ANP32A: variants seen among roughly 807,000 people sequenced by gnomAD.
The protein encoded by ANP32A is acidic nuclear phosphoprotein 32 family member A.
ANP32A carries 1 observed loss-of-function variant against 33.9 expected under a neutral mutation model. That is an observed-to-expected ratio of 0.03 (90% confidence interval 0.01 to 0.14). The LOEUF (loss-of-function observed/expected upper bound fraction) is 0.14, where lower values mean the gene tolerates loss of function less well. ANP32A is among the 10% of genes least tolerant of loss of function. ANP32A has a pLI of 1.00. For missense variants in ANP32A, 155 were observed against 306.0 expected, an observed-to-expected ratio of 0.51 and a Z score of 3.68; for synonymous variants, 115 against 120.5, an observed-to-expected ratio of 0.95 and a Z score of 0.30.
At chr15:68,804,700 A>T (rs1192226776) in intron 1 of ANP32A, among the ~76,000 whole-genome samples, 2 of 152,106 alleles carry the variant, frequency 1.3e-5, no homozygotes, top group African/African-American at 4.8e-5. Flanking sequence ...ATTTTTGTAG[A>T]GATGGGGTTT....
chr15:68,813,978 T>G (rs1449280142), intron 1 of ANP32A, among the ~76,000 whole-genome samples: 1 of 150,296 alleles, frequency 6.7e-6, no homozygotes, highest in East Asian at 2.0e-4. Context: ...CACGGCATTC[T>G]CCTGCCTCAG....
intron 1 of ANP32A, 35 bp from the exon 2 acceptor site, chr15:68,787,954 G>C (rs1398212154): frequency 6.2e-7 from 1 of 1,613,368 alleles, no homozygotes; most frequent in Non-Finnish European, 8.5e-7. Context: ...GCGGGGCTGA[G>C]GAATGGGGCT....
chr15:68,793,054 C>T (rs941952116), intron 1 of ANP32A, among the ~76,000 whole-genome samples: 3 of 152,144 alleles, frequency 2.0e-5, no homozygotes, highest in Admixed American at 6.5e-5. Flanking sequence ...AAGCCTTCTC[C>T]AACCCAGCTC....
chr15:68,787,034 T>C (rs1303781352), intron 3 of ANP32A: 1 of 230,450 alleles, frequency 4.3e-6, no homozygotes, highest in Non-Finnish European at 8.7e-6. Context: ...CAGGGCCAGT[T>C]TAATTCTTGG....
chr15:68,805,089 GT>G (rs1319276132), intron 1 of ANP32A, among the ~76,000 whole-genome samples: 2 of 152,174 alleles, frequency 1.3e-5, no homozygotes, highest in African/African-American at 4.8e-5. Context: ...TGGGGGCCCT[GT>G]GAGTCCTGCC....
chr15:68,782,224 A>G (rs1210393267), intron 5 of ANP32A, among the ~76,000 whole-genome samples: 2 of 152,240 alleles, frequency 1.3e-5, no homozygotes, highest in East Asian at 3.8e-4. Flanking sequence ...AGGAACCTGG[A>G]GGAGGGTGTG....
intron 1 of ANP32A, among the ~76,000 whole-genome samples, chr15:68,813,479 T>C (rs1894338650): frequency 6.6e-6 from 1 of 152,204 alleles, no homozygotes; most frequent in African/African-American, 2.4e-5. Context: ...ACATCATTGT[T>C]GGGTATTTAT....
intron 5 of ANP32A, among the ~76,000 whole-genome samples, chr15:68,782,462 T>C (rs541250667): frequency 1.3e-5 from 2 of 152,284 alleles, no homozygotes; most frequent in South Asian, 4.1e-4. Context: ...GTTAAAAAAC[T>C]GGGAACCAGC....
intron 1 of ANP32A, among the ~76,000 whole-genome samples, chr15:68,811,736 T>C (rs1044985136): frequency 6.6e-6 from 1 of 152,122 alleles, no homozygotes; most frequent in Non-Finnish European, 1.5e-5. Context: ...CTGCGGATAA[T>C]GTAAGTTGGG....
At chr15:68,803,798 C>CTTTTTTTTTTTTTTTTTTT (rs3985625) in intron 1 of ANP32A, among the ~76,000 whole-genome samples, 1 of 101,156 alleles carries the variant, frequency 9.9e-6, no homozygotes, top group Non-Finnish European at 1.9e-5. Context: ...ATTTCACAAA[C>CTTTTTTTTTTTTTTTTTTT]TTTTTTTTTT....
chr15:68,784,830 T>C (rs1474573498), intron 3 of ANP32A, among the ~76,000 whole-genome samples: 2 of 152,212 alleles, frequency 1.3e-5, no homozygotes, highest in African/African-American at 4.8e-5. Context: ...CTGGAGGATC[T>C]TTGAAGCCTT....
intron 1 of ANP32A, among the ~76,000 whole-genome samples, chr15:68,806,785 G>A (rs183750213): frequency 6.3e-4 from 96 of 152,370 alleles, no homozygotes; most frequent in Non-Finnish European, 1.1e-3. Context: ...AAAGGAAGAC[G>A]TGCAGAAGTG....
chr15:68,817,765 G>C (rs1894405089), intron 1 of ANP32A: 1 of 152,214 alleles, frequency 6.6e-6, no homozygotes, highest in African/African-American at 2.4e-5. Flanking sequence ...CAGGCCGTTG[G>C]CGCGGGGCGG....
intron 1 of ANP32A, among the ~76,000 whole-genome samples, chr15:68,802,818 A>ATTTTTTTTTTTTTTTTTTTT: frequency 3.9e-5 from 6 of 152,122 alleles, no homozygotes; most frequent in African/African-American, 4.8e-5. Flanking sequence ...ATGCCCGGCT[A>ATTTTTTTTTTTTTTTTTTTT]ATTTTTTATA....
intron 1 of ANP32A, among the ~76,000 whole-genome samples, chr15:68,800,209 ATTCT>A (rs1894112473): frequency 6.6e-6 from 1 of 152,144 alleles, no homozygotes; most frequent in African/African-American, 2.4e-5. Context: ...CTATGATTTG[ATTCT>A]TTCTTCTTAA....
At position 68,787,867 on chromosome 15, in the gene ANP32A, C is replaced by A; in HGVS notation, c.107G>T (p.Gly36Val). ...CAGTTCTTCAAATTCATCTGTGAGG[C>A]CTTCGAGTTTGCCTTCATTCGACCG... ...NSRSNEGKLE[G>V]LTDEFEELEF... The change falls in exon 2 of 7, where the codon GGC becomes GTC. Residue 36 changes from glycine (G) to valine (V), a missense_variant. Gly to Val is a moderately radical substitution (Grantham distance 109, BLOSUM62 -3). This residue lies in a region of ANP32A where 85 missense variants were observed against 183.8 expected (regional missense o/e 0.46). Coordinates refer to ENST00000465139, the MANE Select transcript of ANP32A (RefSeq NM_006305.4). 2 of 1,614,154 alleles carry A rather than the reference C, an allele frequency of 1.2e-6. No individual in the cohort carries two copies. The highest frequency in any genetic ancestry group is 1.7e-6 in the Non-Finnish European group (2 of 1,180,036).
At chr15:68,805,319 C>G (rs931025150) in intron 1 of ANP32A, among the ~76,000 whole-genome samples, 1 of 152,260 alleles carries the variant, frequency 6.6e-6, no homozygotes, top group Non-Finnish European at 1.5e-5. Context: ...AGGAAAAACA[C>G]CAGCTCCAGG....
chr15:68,787,095 A>T (rs1368546161), intron 3 of ANP32A: 5 of 311,672 alleles, frequency 1.6e-5, no homozygotes. Context: ...CTGAACCTGA[A>T]GACATTACAG....
In ANP32A at chr15:68,805,501, T is replaced by C. The variant is rs538681402; in HGVS notation, c.54+15197A>G. Among the ~76,000 whole-genome samples the C allele has an allele frequency of 5.3e-5, 8 of 152,320 alleles. No individual in the cohort carries two copies. In the East Asian group the frequency reaches 1.5e-3, roughly 29 times the overall value. On this transcript the variant is annotated intron_variant, in intron 1 of 6. Coordinates refer to ENST00000465139, the MANE Select transcript of ANP32A (RefSeq NM_006305.4). ...GAGTCTTGAAGATAATAAAACACAT[T>C]CTGGGATGAAAAGGCAGAGGGCTGG...
Sources: allele counts gnomAD v4.1 joint callset (sites outside exome capture counted in the v4.1 genomes callset), GRCh38; gene constraint gnomAD v4.1.1; regional missense constraint gnomAD v4.1.1; transcripts MANE v1.5; gene names NCBI Gene and HGNC (gene_info 2026-07-23, HGNC 2026-07-21).